TMEM131: variants seen among roughly 807,000 people sequenced by gnomAD.
TMEM131 encodes the protein transmembrane protein 131.
In TMEM131, 66 loss-of-function variants were observed where a neutral mutation model predicts 211.6. The observed-to-expected ratio is 0.31, with a 90% CI of 0.26 to 0.38. The LOEUF (loss-of-function observed/expected upper bound fraction) is 0.38, where lower values mean the gene tolerates loss of function less well. Ranked by LOEUF, TMEM131 falls within the 10% of genes least tolerant of loss-of-function variation. The pLI, the probability that TMEM131 is intolerant of heterozygous loss-of-function variation, is 1.00. For synonymous variants in TMEM131, 844 were observed against 841.3 expected (o/e 1.00, Z -0.06); for missense variants, 2,036 against 2,299.3 (o/e 0.89, Z 2.34).
intron 1 of TMEM131, among the ~76,000 whole-genome samples, chr2:97,973,656 G>A (rs1279256757): frequency 1.3e-5 from 2 of 152,194 alleles, no homozygotes; most frequent in Non-Finnish European, 2.9e-5. Flanking sequence ...CGCTGGGGAA[G>A]GAACCATCCA....
intron 1 of TMEM131, among the ~76,000 whole-genome samples, chr2:97,973,368 GAAAC>G (rs1559484051): frequency 6.6e-6 from 1 of 152,172 alleles, no homozygotes; most frequent in African/African-American, 2.4e-5. Context: ...AAGGACATGG[GAAAC>G]AAACAAGGTA....
At chr2:97,827,205 C>T (rs1423394628) in intron 11 of TMEM131, 18 of 704,736 alleles carry the variant, frequency 2.6e-5, no homozygotes, top group South Asian at 7.6e-5. Context: ...CTTGGCGCGC[C>T]GCGGCCCGCA....
intron 31 of TMEM131, among the ~76,000 whole-genome samples, chr2:97,779,783 A>G (rs948194739): frequency 6.6e-6 from 1 of 152,208 alleles, no homozygotes; most frequent in African/African-American, 2.4e-5. Context: ...GGGAAGCCAA[A>G]GCAGGAGGAT....
At chr2:97,818,089 G>A (rs1424569185) in intron 12 of TMEM131, among the ~76,000 whole-genome samples, 12 of 152,104 alleles carry the variant, frequency 7.9e-5, no homozygotes, top group Non-Finnish European at 1.5e-5. Flanking sequence ...AACACCTCAA[G>A]TATCAAAATG....
chr2:97,853,907 A>G (rs1673732195), intron 5 of TMEM131, among the ~76,000 whole-genome samples: 1 of 152,226 alleles, frequency 6.6e-6, no homozygotes, highest in African/African-American at 2.4e-5. Flanking sequence ...CTCCTAGTGA[A>G]GATGCTGTGA....
intron 29 of TMEM131, among the ~76,000 whole-genome samples, chr2:97,793,760 C>T (rs984627155): frequency 6.6e-6 from 1 of 151,686 alleles, no homozygotes; most frequent in African/African-American, 2.4e-5. Flanking sequence ...TTTGGGAGGC[C>T]GAGGCGGGTG....
At chr2:97,767,673 A>C (rs1397814610) in intron 33 of TMEM131, among the ~76,000 whole-genome samples, 1 of 152,200 alleles carries the variant, frequency 6.6e-6, no homozygotes. Flanking sequence ...TTTTCATTCC[A>C]AATCTACAAA....
At chr2:97,892,088 T>A (rs1176203796) in intron 3 of TMEM131, among the ~76,000 whole-genome samples, 1 of 152,350 alleles carries the variant, frequency 6.6e-6, no homozygotes, top group East Asian at 1.9e-4. Context: ...ATATGATATA[T>A]ATTCTCCCAT....
chr2:97,774,566 C>T (rs940319224), intron 32 of TMEM131, among the ~76,000 whole-genome samples: 1 of 152,054 alleles, frequency 6.6e-6, no homozygotes, highest in Non-Finnish European at 1.5e-5. Context: ...ACAAATAGCA[C>T]GGAAGAAGCT....
intron 6 of TMEM131, among the ~76,000 whole-genome samples, chr2:97,843,868 A>C (rs1385915422): frequency 2.0e-5 from 3 of 152,194 alleles, no homozygotes; most frequent in Non-Finnish European, 4.4e-5. Flanking sequence ...AGTAAAAATT[A>C]AACAAAATTT....
intron 1 of TMEM131, among the ~76,000 whole-genome samples, chr2:97,953,831 A>C (rs1339425968): frequency 6.6e-6 from 1 of 152,244 alleles, no homozygotes; most frequent in African/African-American, 2.4e-5. Context: ...GGTGAACCTT[A>C]AGTTCATATG....
intron 33 of TMEM131, among the ~76,000 whole-genome samples, chr2:97,767,132 G>C (rs115604416): frequency 1.1e-3 from 169 of 152,284 alleles, no homozygotes; most frequent in African/African-American, 3.7e-3. Flanking sequence ...GTTACTACAG[G>C]GAGTGGGCTA....
intron 36 of TMEM131, 102 bp downstream of exon 36, chr2:97,761,933 A>G: frequency 1.5e-6 from 2 of 1,319,150 alleles, no homozygotes; most frequent in Admixed American, 3.1e-5. Context: ...AAGTAACACC[A>G]GACAGTGGCC....
chr2:97,973,427 G>A (rs944870424), intron 1 of TMEM131, among the ~76,000 whole-genome samples: 34 of 152,218 alleles, frequency 2.2e-4, no homozygotes, highest in Non-Finnish European at 4.7e-4. Flanking sequence ...GAGTTACTAG[G>A]CCACAGTGCA....
At chr2:97,926,964 G>T (rs1218525958) in intron 2 of TMEM131, among the ~76,000 whole-genome samples, 1 of 152,100 alleles carries the variant, frequency 6.6e-6, no homozygotes, top group East Asian at 1.9e-4. Context: ...TAAAACATTT[G>T]TTCCCATAGG....
In TMEM131 at chr2:97,814,401, AC is replaced by A; in HGVS notation, c.1293-14del. The A allele has an allele frequency of 6.4e-7, 1 of 1,569,730 alleles. No homozygotes were observed. Among genetic ancestry groups the A allele is most frequent in the Non-Finnish European group, 8.6e-7 (1 of 1,158,416 alleles). On this transcript the variant is annotated splice_polypyrimidine_tract_variant and intron_variant, in intron 13 of 40. Coordinates refer to ENST00000186436, the MANE Select transcript of TMEM131 (RefSeq NM_015348.2). Reference sequence around the variant, plus strand: ...AAATCCCAAATAACTATTAAAAAAAACAACAAGAACAAAATAAATCATTTTT... The same window carrying A: ...AAATCCCAAATAACTATTAAAAAAAAAACAAGAACAAAATAAATCATTTTT...
chr2:97,879,640 A>G (rs1322005324), intron 4 of TMEM131, among the ~76,000 whole-genome samples: 2 of 152,158 alleles, frequency 1.3e-5, no homozygotes, highest in Non-Finnish European at 2.9e-5. Flanking sequence ...CAAGACTATC[A>G]CTTCCTCCTC....
chr2:97,943,065 G>GAAAGA (rs1559464606), intron 1 of TMEM131, among the ~76,000 whole-genome samples: 1 of 92,070 alleles, frequency 1.1e-5, no homozygotes, highest in Non-Finnish European at 2.6e-5. Flanking sequence ...AAGAAAGAAA[G>GAAAGA]AAAGAAAGAA....
At chr2:97,784,284 C>G (rs1028213815) in intron 31 of TMEM131, among the ~76,000 whole-genome samples, 1 of 151,928 alleles carries the variant, frequency 6.6e-6, no homozygotes, top group Non-Finnish European at 1.5e-5. Flanking sequence ...TTTCAAGTGC[C>G]CATGGGTCAT....
Sources: allele counts gnomAD v4.1 joint callset (sites outside exome capture counted in the v4.1 genomes callset), GRCh38; gene constraint gnomAD v4.1.1; transcripts MANE v1.5; gene names NCBI Gene and HGNC (gene_info 2026-07-23, HGNC 2026-07-21).